The following MCF2 variants were observed in gnomAD, a reference collection of about 807,000 sequenced individuals.
MCF2 encodes proto-oncogene DBL.
Under a neutral mutation model 82.5 loss-of-function variants are expected in MCF2, and 44 were observed. The ratio of observed to expected loss-of-function variants is 0.53; its 90% CI spans 0.42 to 0.69. The LOEUF is 0.69. Ranked by LOEUF, MCF2 falls within the 30% of genes least tolerant of loss-of-function variation. The pLI, the probability that MCF2 is intolerant of heterozygous loss-of-function variation, is 0.00. For missense variants in MCF2, 623 were observed against 663.1 expected, an observed-to-expected ratio of 0.94 and a Z score of 0.66; for synonymous variants, 217 against 224.9, an observed-to-expected ratio of 0.96 and a Z score of 0.32.
In MCF2 at chrX:139,669,472, G is replaced by A. The variant is rs758614266; in HGVS notation, c.-44-17684C>T. On this transcript the variant is annotated intron_variant, in intron 1 of 27. Coordinates refer to the MCF2 transcript ENST00000414978. ...AAATGTAAAATGGTTCATCCCCTAC[G>A]GAATAGAGTTTTGCAATTCCTCAGA... 6.2e-5 allele frequency among the ~76,000 whole-genome samples: 7 copies of A among 112,198 alleles called. No individual in the cohort carries two copies. The South Asian group carries it at 2.6e-3, about 42-fold the overall frequency.
At chrX:139,661,497 A>G (rs1279481715) in intron 1 of MCF2, among the ~76,000 whole-genome samples, 2 of 111,686 alleles carry the variant, frequency 1.8e-5, no homozygotes, top group Non-Finnish European at 3.8e-5. Flanking sequence ...ATTCCCTATG[A>G]CTCAGGTTTT....
At chrX:139,675,105 C>T (rs928105900) in intron 1 of MCF2, among the ~76,000 whole-genome samples, 5 of 112,326 alleles carry the variant, frequency 4.5e-5, no homozygotes, top group African/African-American at 1.3e-4. Flanking sequence ...TCCACATGAT[C>T]GAATCAGCTA....
chrX:139,592,362 AC>A (rs1446404556), intron 19 of MCF2, among the ~76,000 whole-genome samples: 1 of 111,682 alleles, frequency 9.0e-6, no homozygotes, highest in African/African-American at 3.3e-5. Flanking sequence ...AGTTTTCATG[AC>A]TTAATCACCT....
chrX:139,584,118 T>C (rs1045524505), intron 24 of MCF2, among the ~76,000 whole-genome samples: 95 of 105,478 alleles, frequency 9.0e-4, no homozygotes, highest in Non-Finnish European at 1.7e-3. Flanking sequence ...TGATTATCCA[T>C]GCCATTATCC....
chrX:139,681,668 A>T (rs1344558536), intron 1 of MCF2, among the ~76,000 whole-genome samples: 3 of 112,246 alleles, frequency 2.7e-5, no homozygotes, highest in Non-Finnish European at 5.6e-5. Context: ...TAAAATATCT[A>T]GATATATGTG....
intron 9 of MCF2, 106 bp from the exon 13 acceptor site, chrX:139,615,158 A>C (rs1227088302): frequency 8.7e-6 from 5 of 577,482 alleles, no homozygotes; most frequent in Non-Finnish European, 1.4e-5. Flanking sequence ...TTTAGAGTTT[A>C]AAATATAACT....
At chrX:139,666,906 A>G (rs775163310) in intron 1 of MCF2, among the ~76,000 whole-genome samples, 1 of 111,631 alleles carries the variant, frequency 9.0e-6, no homozygotes, top group Admixed American at 9.5e-5. Flanking sequence ...CTCTTTTTTT[A>G]TCCTAATCTC....
At chrX:139,685,881 C>A (rs903987813) in intron 1 of MCF2, among the ~76,000 whole-genome samples, 2 of 111,182 alleles carry the variant, frequency 1.8e-5, no homozygotes, top group South Asian at 7.5e-4. Context: ...CAAATAGAAT[C>A]CAGCAGTATA....
At chrX:139,640,766 C>T (rs779806306) in intron 1 of MCF2, among the ~76,000 whole-genome samples, 192 of 110,959 alleles carry the variant, frequency 1.7e-3, no homozygotes, top group African/African-American at 5.9e-3. Context: ...GTGTCTTCTA[C>T]TATAGTTCTA....
At chrX:139,677,351 C>A (rs1006293879) in intron 1 of MCF2, among the ~76,000 whole-genome samples, 3 of 111,504 alleles carry the variant, frequency 2.7e-5, no homozygotes, top group African/African-American at 9.8e-5. Flanking sequence ...GCCCACCCGA[C>A]CCTCTTCCAA....
At chrX:139,592,483 A>T (rs1929606181) in intron 19 of MCF2, among the ~76,000 whole-genome samples, 1 of 112,036 alleles carries the variant, frequency 8.9e-6, no homozygotes, top group Admixed American at 9.5e-5. Flanking sequence ...ATACTATATT[A>T]GGTAGAAATT....
intron 1 of MCF2, among the ~76,000 whole-genome samples, chrX:139,652,941 C>T (rs929624094): frequency 5.4e-5 from 6 of 110,566 alleles, no homozygotes; most frequent in African/African-American, 2.0e-4. Flanking sequence ...TTATAGACAC[C>T]CCCCCGACAC....
At chrX:139,650,308 C>T (rs754509956) in intron 2 of MCF2, among the ~76,000 whole-genome samples, 4 of 111,095 alleles carry the variant, frequency 3.6e-5, no homozygotes, top group Admixed American at 9.6e-5. Context: ...GAGCTATGAT[C>T]GTACCACTGT....
intron 1 of MCF2, among the ~76,000 whole-genome samples, chrX:139,659,190 G>A (rs965228455): frequency 6.3e-5 from 7 of 110,695 alleles, no homozygotes; most frequent in East Asian, 2.9e-4. Context: ...CGGGAGGCCC[G>A]GCAGGAGAAT....
intron 1 of MCF2, among the ~76,000 whole-genome samples, chrX:139,682,253 T>C (rs1935016899): frequency 8.9e-6 from 1 of 111,900 alleles, no homozygotes; most frequent in Non-Finnish European, 1.9e-5. Context: ...CTCTTGTAGG[T>C]GTTTAATTAA....
chrX:139,617,963 A>G (rs1302685707), intron 7 of MCF2, among the ~76,000 whole-genome samples: 3 of 110,999 alleles, frequency 2.7e-5, no homozygotes, highest in African/African-American at 9.8e-5. Flanking sequence ...GGTTATAGAA[A>G]CTGAAAATTG....
At chrX:139,678,107 G>A (rs1934915394) in intron 1 of MCF2, among the ~76,000 whole-genome samples, 2 of 111,768 alleles carry the variant, frequency 1.8e-5, no homozygotes, top group South Asian at 7.6e-4. Context: ...AGGCTGCAGT[G>A]AGCTGTGATT....
chrX:139,650,776 G>C (rs1023103758), intron 2 of MCF2, among the ~76,000 whole-genome samples: 14 of 111,901 alleles, frequency 1.3e-4, no homozygotes, highest in African/African-American at 4.5e-4. Context: ...AACGGTAGAA[G>C]CAACCAAAGT....
At chrX:139,665,155 C>T (rs1169071087) in intron 1 of MCF2, among the ~76,000 whole-genome samples, 2 of 111,376 alleles carry the variant, frequency 1.8e-5, no homozygotes, top group Admixed American at 9.5e-5. Flanking sequence ...AGAGAGGTGG[C>T]ACAAGCACTC....
Sources: gnomAD v4.1 joint callset for allele counts (sites outside exome capture counted in the v4.1 genomes callset) on GRCh38, gnomAD v4.1.1 for gene constraint, MANE v1.5 for transcripts, NCBI Gene and HGNC (gene_info 2026-07-23, HGNC 2026-07-21) for gene names.